METTL17: variants seen among roughly 807,000 people sequenced by gnomAD.
METTL17 encodes the protein methyltransferase like 17.
Under a neutral mutation model 59.4 loss-of-function variants are expected in METTL17, and 49 were observed. That is an observed-to-expected ratio of 0.82 (90% CI 0.66 to 1.05). METTL17 has a LOEUF of 1.05. METTL17 is among the 50% of genes least tolerant of loss of function. The pLI is 0.00. For missense variants in METTL17, 555 were observed against 578.4 expected, an observed-to-expected ratio of 0.96 and a Z score of 0.41; for synonymous variants, 208 against 209.2, an observed-to-expected ratio of 0.99 and a Z score of 0.05.
rs115803844 is a variant in METTL17, at chr14:20,996,721, G to A, written c.1265+10G>A. On this transcript the variant is annotated intron_variant, in intron 13 of 13. Coordinates refer to ENST00000339374, the MANE Select transcript of METTL17 (RefSeq NM_022734.3). The stretch of plus-strand genomic sequence containing the variant: ...CCCGCCGGCACGGCAGGTATGGGGG[G>A]TGTGACCAAAATCAGTGGGATGTGG... The A allele has an allele frequency of 6.2e-6, 10 of 1,614,236 alleles. No individual in the cohort carries two copies. In the South Asian group the frequency reaches 9.9e-5, roughly 16 times the overall value.
In METTL17 at chr14:20,993,030, C is replaced by A. The variant is rs569794106; in HGVS notation, c.529-88C>A. 5.7e-5 allele frequency: 63 copies of A among 1,102,258 alleles called. No homozygotes were observed. The African/African-American group carries it at 8.6e-4, about 15-fold the overall frequency. 68.3% of individuals were successfully genotyped at this position (1,102,258 alleles called of 1,614,324 possible). Reference sequence around the variant, plus strand: ...CTCAAAAGGCATTCACATCTCACATCCTCTGTGATAGCCTCCTAATTCACA... The same window carrying A: ...CTCAAAAGGCATTCACATCTCACATACTCTGTGATAGCCTCCTAATTCACA... On this transcript the variant is annotated intron_variant, in intron 5 of 13. Coordinates refer to ENST00000339374, the MANE Select transcript of METTL17 (RefSeq NM_022734.3).
chr14:20,994,074 G>A lies in METTL17; in HGVS notation c.697+11G>A, dbSNP rs1880211062. On this transcript the variant is annotated intron_variant, in intron 7 of 13. Transcript: ENST00000339374. Reference sequence around the variant, plus strand: ...AAAAACTACTGAAAGGTGAGTGCAAGAGCACTTCCAAAGTTGAGGGAGTTA... The same window carrying A: ...AAAAACTACTGAAAGGTGAGTGCAAAAGCACTTCCAAAGTTGAGGGAGTTA... The A allele has an allele frequency of 1.9e-6, 3 of 1,604,900 alleles. No individual in the cohort carries two copies. The highest frequency in any genetic ancestry group is 2.6e-6 in the Non-Finnish European group (3 of 1,171,948).
chr14:20,995,199 G>A lies in METTL17; in HGVS notation c.911G>A (p.Ser304Asn), dbSNP rs1880293309. ...LVENGTKAGHSLLMDARDLVL... is the reference protein window; with the variant it reads ...LVENGTKAGHNLLMDARDLVL... ...GAGAATGGAACAAAAGCTGGGCACA[G>A]CCTTCTCATGGATGCCAGGGATCTG... Residue 304 changes from serine (S) to asparagine (N), a missense_variant, in exon 10 of 14, where the codon AGC (serine) becomes AAC (asparagine). Physicochemically the swap from Ser to Asn is conservative, Grantham distance 46. Transcript: ENST00000339374. 2 of 1,614,084 alleles carry A rather than the reference G, an allele frequency of 1.2e-6. No homozygotes were observed. The highest frequency in any genetic ancestry group is 1.3e-5 in the African/African-American group (1 of 74,930).
rs780226268 is a variant in METTL17 at position 20,994,783 on chromosome 14, T to G, written c.769-11T>G. 1 of 1,609,248 alleles carries G rather than the reference T, an allele frequency of 6.2e-7. No homozygotes were observed. The highest frequency in any genetic ancestry group is 1.7e-5 in the Admixed American group (1 of 60,008). On this transcript the variant is annotated splice_polypyrimidine_tract_variant and intron_variant, in intron 8 of 13. Coordinates refer to ENST00000339374, the MANE Select transcript of METTL17 (RefSeq NM_022734.3). ...TGTTGAGTCTGTCATGTTCCTTGTCTTGGTCCTCAGGTGCAGTTTGATGTA... is the reference window on the plus strand; with the variant it reads ...TGTTGAGTCTGTCATGTTCCTTGTCGTGGTCCTCAGGTGCAGTTTGATGTA...
chr14:20,994,740 A>G, intron 8 of METTL17, 54 bp from the exon 9 acceptor site: 1 of 1,543,816 alleles, frequency 6.5e-7, no homozygotes, highest in South Asian at 1.1e-5. Context: ...ACTTTGTTGT[A>G]TTCTTGGGAT....
chr14:20,993,078 A>G (rs1880125036), intron 5 of METTL17, 40 bp from the exon 6 acceptor site: 3 of 1,564,920 alleles, frequency 1.9e-6, no homozygotes, highest in Non-Finnish European at 1.8e-6. Flanking sequence ...CTAAATAAGT[A>G]TCTAATTACC....
rs764960788 is a variant in METTL17, at chr14:20,996,845, G to A, written c.1326G>A (p.Pro442=). 2.5e-5 allele frequency: 41 copies of A among 1,613,590 alleles called. No homozygotes were observed. Among genetic ancestry groups the A allele is most frequent in the Middle Eastern group, 3.3e-4 (2 of 6,062 alleles). Residue 442 remains proline (P), a synonymous_variant, in exon 14 of 14, where the codon CCG becomes CCA. Transcript: ENST00000339374. ...SWGDLLPVLT[P]SAFPPSTAQD... ...GAGATCTTTTACCTGTGCTTACTCC[G>A]TCTGCGTTTCCTCCATCTACGGCTC... is the stretch of plus-strand genomic sequence containing the variant.
rs1305943612 is a variant in METTL17 at position 20,993,674 on chromosome 14, C to T, written c.603-295C>T. 1.1e-4 allele frequency: 25 copies of T among 231,846 alleles called. 1 individual carries two copies. In the South Asian group the frequency reaches 1.4e-3, roughly 13 times the overall value. The allele number at this position is 231,846 out of a possible 1,614,324, so 14.4% of individuals were successfully genotyped here. On this transcript the variant is annotated intron_variant, in intron 6 of 13. Coordinates refer to ENST00000339374, the MANE Select transcript of METTL17 (RefSeq NM_022734.3). ...ATTTTTAGTAGAGACGGGGTTTCACCATATTGGCCAGGCTGGTCTCTAACT... is the reference window on the plus strand; with the variant it reads ...ATTTTTAGTAGAGACGGGGTTTCACTATATTGGCCAGGCTGGTCTCTAACT...
chr14:20,992,402 C>A, intron 4 of METTL17, 139 bp from the exon 5 acceptor site: 1 of 779,426 alleles, frequency 1.3e-6, no homozygotes, highest in Non-Finnish European at 2.1e-6. Flanking sequence ...TGTAAGTCTC[C>A]CCAGGACCCT....
At chr14:20,991,193 A>T (rs369164588) in intron 3 of METTL17, among the ~76,000 whole-genome samples, 1 of 152,158 alleles carries the variant, frequency 6.6e-6, no homozygotes, top group Non-Finnish European at 1.5e-5. Flanking sequence ...AGGACCTTCT[A>T]AGTTTTTATT....
chr14:20,989,992 C>G lies in METTL17; in HGVS notation c.-11C>G, dbSNP rs1879936102. The G allele has an allele frequency of 2.5e-6, 4 of 1,583,884 alleles. No individual in the cohort carries two copies. Among genetic ancestry groups the G allele is most frequent in the Middle Eastern group, 3.7e-4 (2 of 5,456 alleles). ...CACCTGTATTTCCGTTTCCGGTTCG[C>G]CTCCGGAGCCATGGCGGCGGCACTG... On this transcript the variant is annotated 5_prime_UTR_variant, in exon 1 of 14. Coordinates refer to ENST00000339374, the MANE Select transcript of METTL17 (RefSeq NM_022734.3).
At chr14:20,994,708 T>G (rs1369333031) in intron 8 of METTL17, 86 bp from the exon 9 acceptor site, 6 of 1,529,000 alleles carry the variant, frequency 3.9e-6, no homozygotes. Flanking sequence ...TGTTAGAAGA[T>G]AAAAGAAATT....
At chr14:20,992,421 G>A in intron 4 of METTL17, 120 bp from the exon 5 acceptor site, 1 of 852,164 alleles carries the variant, frequency 1.2e-6, no homozygotes, top group Non-Finnish European at 1.9e-6. Context: ...CTTTTGTATT[G>A]GGGAGTGAAA....
At chr14:20,994,966 C>G in intron 9 of METTL17, 65 bp downstream of exon 9, 1 of 1,338,358 alleles carries the variant, frequency 7.5e-7, no homozygotes. Flanking sequence ...TGCCTTTGCT[C>G]CTCTCATTGT....
At chr14:20,996,328 A>G (rs764769656) in intron 12 of METTL17, 36 bp downstream of exon 12, 12 of 1,585,696 alleles carry the variant, frequency 7.6e-6, no homozygotes, top group East Asian at 4.5e-5. Context: ...GGAAGCAAAC[A>G]TCCTGGAAAA....
Position 20,994,610 on chromosome 14 carries a change from C to G in METTL17, c.765C>G (p.Pro255=). Residue 255 remains proline, a synonymous_variant, in exon 8 of 14, where the codon CCC becomes CCG. Coordinates refer to ENST00000339374, the MANE Select transcript of METTL17 (RefSeq NM_022734.3). ...TCAGACAGTTTCTACCTGTATCACCCAAGGCAAGTGGCAGTGTTTAGAATA... is the reference window on the plus strand; with the variant it reads ...TCAGACAGTTTCTACCTGTATCACCGAAGGCAAGTGGCAGTGTTTAGAATA... ...VFFRQFLPVS[P]KVQFDVVVSA... 6.2e-7 allele frequency: 1 copy of G among 1,613,902 alleles called. No individual in the cohort carries two copies. The highest frequency in any genetic ancestry group is 8.5e-7 in the Non-Finnish European group (1 of 1,179,762).
intron 3 of METTL17, among the ~76,000 whole-genome samples, chr14:20,991,129 C>A (rs1305952678): frequency 1.3e-5 from 2 of 151,952 alleles, no homozygotes; most frequent in African/African-American, 2.4e-5. Flanking sequence ...CGCCTGGCTA[C>A]CAATATACTG....
In METTL17 at chr14:20,990,501, A is replaced by G; in HGVS notation, c.267A>G (p.Thr89=). 1.9e-6 allele frequency: 3 copies of G among 1,614,232 alleles called. No homozygotes were observed. Among genetic ancestry groups the G allele is most frequent in the Non-Finnish European group, 2.5e-6 (3 of 1,180,030 alleles). The change falls in exon 3 of 14, where the codon ACA becomes ACG. Residue 89 remains threonine, a synonymous_variant. Coordinates refer to ENST00000339374, the MANE Select transcript of METTL17 (RefSeq NM_022734.3). ...CCACTATGGAGAATCAGGTGCAAACACTGACCAGTTATCTCTGGAGCAGAC... is the reference window on the plus strand; with the variant it reads ...CCACTATGGAGAATCAGGTGCAAACGCTGACCAGTTATCTCTGGAGCAGAC... ...AGPTMENQVQ[T]LTSYLWSRHL... is the part of the protein sequence containing the mutation.
At chr14:20,995,080 C>T (rs967304408) in intron 9 of METTL17, 85 bp from the exon 10 acceptor site, 2 of 1,329,092 alleles carry the variant, frequency 1.5e-6, no homozygotes, top group African/African-American at 2.9e-5. Flanking sequence ...CTCCTTCTCC[C>T]TCTATGATTG....
Sources: allele counts gnomAD v4.1 joint callset (sites outside exome capture counted in the v4.1 genomes callset), GRCh38; gene constraint gnomAD v4.1.1; transcripts MANE v1.5; gene names NCBI Gene and HGNC (gene_info 2026-07-23, HGNC 2026-07-21).